FCHO2: variants seen among roughly 807,000 people sequenced by gnomAD.
The protein encoded by FCHO2 is F-BAR domain only protein 2.
Under a neutral mutation model 114.1 loss-of-function variants are expected in FCHO2, and 43 were observed. The ratio of observed to expected loss-of-function variants is 0.38; its 90% CI spans 0.30 to 0.49. The LOEUF is 0.49. Ranked by LOEUF, FCHO2 falls within the 20% of genes least tolerant of loss-of-function variation. The probability of loss-of-function intolerance (pLI) is 0.97; values close to 1 mark genes in which losing one functional copy is unlikely to be tolerated. For synonymous variants in FCHO2, 293 were observed against 315.2 expected, an observed-to-expected ratio of 0.93 and a Z score of 0.75; for missense variants, 807 against 950.4, an observed-to-expected ratio of 0.85 and a Z score of 1.98.
intron 8 of FCHO2, among the ~76,000 whole-genome samples, chr5:73,031,877 T>G (rs1253511593): frequency 1.3e-5 from 2 of 151,912 alleles, no homozygotes; most frequent in African/African-American, 4.8e-5. Flanking sequence ...CTAAGAGCAG[T>G]TATTTATTTT....
chr5:73,068,988 T>A (rs1363582540), intron 19 of FCHO2, among the ~76,000 whole-genome samples: 2 of 152,122 alleles, frequency 1.3e-5, no homozygotes, highest in African/African-American at 4.8e-5. Context: ...TTAACTGTGG[T>A]TAGCACCGTT....
At chr5:73,006,252 C>G (rs1754708276) in intron 5 of FCHO2, among the ~76,000 whole-genome samples, 193 bp from the exon 6 acceptor site, 1 of 152,032 alleles carries the variant, frequency 6.6e-6, no homozygotes, top group African/African-American at 2.4e-5. Flanking sequence ...GTGTTTACTT[C>G]CTGACTTCTT....
intron 2 of FCHO2, among the ~76,000 whole-genome samples, chr5:72,983,049 G>C (rs1753307079): frequency 6.6e-6 from 1 of 151,946 alleles, no homozygotes; most frequent in Non-Finnish European, 1.5e-5. Flanking sequence ...GAGTAGCTGG[G>C]ACTACAGGCA....
rs148503384 is a variant in FCHO2, at chr5:73,019,870, G to T, written c.796+2562G>T. Among the ~76,000 whole-genome samples the T allele has an allele frequency of 4.6e-5, 7 of 152,244 alleles. No individual in the cohort carries two copies. The East Asian group carries it at 1.2e-3, about 25-fold the overall frequency. ...TTTGAACAGTCAACACTGCACTAAC[G>T]AGGAGCCATGTAGGTAAAAGTTGAG... On this transcript the variant is annotated intron_variant, in intron 8 of 25. Transcript: ENST00000430046.
intron 2 of FCHO2, among the ~76,000 whole-genome samples, chr5:72,984,804 TG>T (rs1163171767): frequency 6.6e-6 from 1 of 152,004 alleles, no homozygotes; most frequent in Non-Finnish European, 1.5e-5. Context: ...AGCTAATTTT[TG>T]TATTTTTTTT....
intron 8 of FCHO2, chr5:73,021,219 T>A: frequency 1.4e-6 from 1 of 727,170 alleles, no homozygotes; most frequent in South Asian, 1.4e-5. Context: ...TGGGAAAAAC[T>A]GATCTTCTTT....
intron 11 of FCHO2, among the ~76,000 whole-genome samples, chr5:73,050,294 CTATTTATTTATTTATT>C (rs3054232): frequency 4.8e-4 from 59 of 123,586 alleles, no homozygotes; most frequent in South Asian, 4.6e-3. Flanking sequence ...TAGCTTTCTG[CTATTTATTTATTTATT>C]TATTTATTTA....
chr5:72,975,734 A>C (rs1292597956), intron 2 of FCHO2, among the ~76,000 whole-genome samples: 1 of 151,938 alleles, frequency 6.6e-6, no homozygotes, highest in Non-Finnish European at 1.5e-5. Context: ...GGAACTCCTG[A>C]CCTCAGGTGA....
intron 2 of FCHO2, among the ~76,000 whole-genome samples, chr5:72,979,913 T>C (rs1401987519): frequency 6.6e-6 from 1 of 152,182 alleles, no homozygotes; most frequent in Non-Finnish European, 1.5e-5. Context: ...ATTCATTGAT[T>C]TTTTTGAACG....
chr5:72,957,468 C>T (rs1336344638), intron 1 of FCHO2, among the ~76,000 whole-genome samples: 2 of 152,218 alleles, frequency 1.3e-5, no homozygotes, highest in South Asian at 2.1e-4. Context: ...TAAATGGGGC[C>T]ATGGTGACCA....
At chr5:73,070,150 G>C (rs1742564661) in intron 19 of FCHO2, among the ~76,000 whole-genome samples, 1 of 152,022 alleles carries the variant, frequency 6.6e-6, no homozygotes, top group Non-Finnish European at 1.5e-5. Context: ...GGCATTCCAG[G>C]TGATTCTGAT....
intron 11 of FCHO2, among the ~76,000 whole-genome samples, chr5:73,044,926 T>G (rs1483119374): frequency 6.6e-6 from 1 of 152,186 alleles, no homozygotes; most frequent in Non-Finnish European, 1.5e-5. Flanking sequence ...ATAGAAATCA[T>G]GGATTGAATG....
chr5:73,084,279 T>C (rs998114508), intron 24 of FCHO2, among the ~76,000 whole-genome samples: 15 of 152,286 alleles, frequency 9.8e-5, no homozygotes, highest in South Asian at 4.1e-4. Flanking sequence ...TTGTTTTGTT[T>C]TTTTGAGACA....
intron 6 of FCHO2, among the ~76,000 whole-genome samples, chr5:73,009,086 A>G (rs1193711654): frequency 6.6e-6 from 1 of 152,228 alleles, no homozygotes; most frequent in East Asian, 1.9e-4. Context: ...CCAAAGAAGA[A>G]AGAAGAAAAC....
chr5:73,053,486 G>C (rs985213261), intron 13 of FCHO2, among the ~76,000 whole-genome samples: 4 of 152,142 alleles, frequency 2.6e-5, no homozygotes, highest in Non-Finnish European at 5.9e-5. Context: ...ACAAGGTCAG[G>C]AGATGGAGAC....
rs754056046 is a variant in FCHO2 at position 73,088,084 on chromosome 5, T to C, written c.2427T>C (p.Asp809=). ...KRFATGRYLA[D]C ...GTTTTTCAGGACGATACCTGGCGGA[T>C]TGTTGATGGACCTGGGAAAGTGATG... The change falls in exon 26 of 26, where the codon GAT becomes GAC. Residue 809 remains aspartate (D), a synonymous_variant. Coordinates refer to ENST00000430046, the MANE Select transcript of FCHO2 (RefSeq NM_138782.3). The C allele has an allele frequency of 3.7e-5, 60 of 1,613,404 alleles. No homozygotes were observed. In the Middle Eastern group the frequency reaches 6.6e-4, roughly 18 times the overall value.
intron 25 of FCHO2, 149 bp downstream of exon 25, chr5:73,087,902 TG>T (rs1406536544): frequency 7.2e-7 from 1 of 1,381,456 alleles, no homozygotes; most frequent in African/African-American, 1.4e-5. Context: ...GAGACACACC[TG>T]GGAGAGAGTT....
chr5:72,997,371 C>A, intron 5 of FCHO2: 3 of 1,589,736 alleles, frequency 1.9e-6, no homozygotes, highest in Non-Finnish European at 8.6e-7. Context: ...ATTCTTAAGA[C>A]GAGATACTAC....
Position 73,089,477 on chromosome 5 carries a change from A to G in FCHO2, c.*1387A>G, listed in dbSNP as rs965029112. On this transcript the variant is annotated 3_prime_UTR_variant, in exon 26 of 26. Coordinates refer to ENST00000430046, the MANE Select transcript of FCHO2 (RefSeq NM_138782.3). The stretch of plus-strand genomic sequence containing the variant: ...AAAAATAGGGAAATTATTTGAAGTG[A>G]TATATTTGGTTAAACATTTCTAAAA... 6.6e-6 allele frequency: 1 copy of G among 152,244 alleles called. No individual in the cohort carries two copies. The highest frequency in any genetic ancestry group is 1.5e-5 in the Non-Finnish European group (1 of 67,948). The allele number at this position is 152,244 out of a possible 1,614,324, so 9.4% of individuals were successfully genotyped here.
Sources: allele counts gnomAD v4.1 joint callset (sites outside exome capture counted in the v4.1 genomes callset), GRCh38; gene constraint gnomAD v4.1.1; transcripts MANE v1.5; gene names NCBI Gene and HGNC (gene_info 2026-07-23, HGNC 2026-07-21).